The following PRKN variants were observed in gnomAD, a reference collection of about 807,000 sequenced individuals.
PRKN encodes the protein parkin RBR E3 ubiquitin protein ligase, also known as E3 ubiquitin-protein ligase parkin.
Under a neutral mutation model 59.5 loss-of-function variants are expected in PRKN, and 56 were observed. That is an observed-to-expected ratio of 0.94 (90% CI 0.76 to 1.18). The LOEUF (loss-of-function observed/expected upper bound fraction) is 1.18, where lower values mean the gene tolerates loss of function less well. Ranked by LOEUF, PRKN falls within the 50% of genes most tolerant of loss-of-function variation. The pLI, the probability that PRKN is intolerant of heterozygous loss-of-function variation, is 0.00. For missense variants in PRKN, 657 were observed against 596.4 expected (o/e 1.10, Z -1.06); for synonymous variants, 250 against 222.1 (o/e 1.13, Z -1.12).
At chr6:162,116,461 G>A (rs1780676899) in intron 4 of PRKN, among the ~76,000 whole-genome samples, 1 of 152,222 alleles carries the variant, frequency 6.6e-6, no homozygotes, top group South Asian at 2.1e-4. Context: ...ATAAGAGAAA[G>A]AAGATGGCTG....
At chr6:162,292,936 C>T (rs973341526) in intron 2 of PRKN, among the ~76,000 whole-genome samples, 1 of 152,144 alleles carries the variant, frequency 6.6e-6, no homozygotes, top group Non-Finnish European at 1.5e-5. Context: ...TGTCTATGCA[C>T]AGAGTCCTGT....
At chr6:162,528,900 C>T (rs1778396638) in intron 1 of PRKN, among the ~76,000 whole-genome samples, 2 of 152,124 alleles carry the variant, frequency 1.3e-5, no homozygotes, top group South Asian at 2.1e-4. Context: ...TTTTTGGAGA[C>T]GGAGTCTTGA....
At chr6:162,415,911 TACTC>T (rs1282176235) in intron 2 of PRKN, among the ~76,000 whole-genome samples, 2 of 152,210 alleles carry the variant, frequency 1.3e-5, no homozygotes, top group Non-Finnish European at 2.9e-5. Context: ...TCATAGGTAA[TACTC>T]AGCAACACTC....
intron 6 of PRKN, among the ~76,000 whole-genome samples, chr6:161,897,791 A>G (rs1421770367): frequency 1.4e-5 from 2 of 144,106 alleles, no homozygotes; most frequent in African/African-American, 5.5e-5. Context: ...ACCAAGGTGA[A>G]ACCCCGTCTC....
In PRKN at chr6:161,569,352, C is replaced by T; in HGVS notation, c.933+3G>A. The T allele has an allele frequency of 1.2e-6, 2 of 1,612,604 alleles. No homozygotes were observed. Among genetic ancestry groups the T allele is most frequent in the Non-Finnish European group, 8.5e-7 (1 of 1,178,614 alleles). The stretch of plus-strand genomic sequence containing the variant: ...TGATGCAGCCTTTGAGATGCTCACT[C>T]ACCTGCTCTTCTCCCAGAATCCTGA... On this transcript the variant is annotated splice_donor_region_variant and intron_variant, in intron 8 of 11. Transcript: ENST00000366898.
chr6:161,970,438 A>T (rs2128251053), intron 6 of PRKN, among the ~76,000 whole-genome samples: 1 of 151,680 alleles, frequency 6.6e-6, no homozygotes, highest in East Asian at 1.9e-4. Context: ...CACACAATAT[A>T]ATTATACAGC....
chr6:161,831,529 T>C (rs1792498582), intron 6 of PRKN, among the ~76,000 whole-genome samples: 1 of 152,180 alleles, frequency 6.6e-6, no homozygotes, highest in Non-Finnish European at 1.5e-5. Context: ...TTCATAACAT[T>C]AGCCATGCAT....
chr6:161,732,844 T>C (rs577419746), intron 7 of PRKN, among the ~76,000 whole-genome samples: 1 of 152,260 alleles, frequency 6.6e-6, no homozygotes, highest in South Asian at 2.1e-4. Flanking sequence ...ATGCAAACAA[T>C]GTCTGGACTC....
At chr6:161,745,090 T>A (rs73783387) in intron 7 of PRKN, among the ~76,000 whole-genome samples, 2,346 of 152,332 alleles carry the variant, frequency 0.015, 68 homozygotes, top group African/African-American at 0.054. Flanking sequence ...CTCAGATTTT[T>A]AATGCTGAGC....
intron 3 of PRKN, among the ~76,000 whole-genome samples, chr6:162,239,557 G>A (rs1204352060): frequency 6.6e-6 from 1 of 151,950 alleles, no homozygotes; most frequent in Non-Finnish European, 1.5e-5. Context: ...ACGGCATCTC[G>A]GCTTCGTGGG....
At chr6:161,907,548 C>T (rs1019558609) in intron 6 of PRKN, among the ~76,000 whole-genome samples, 4 of 152,120 alleles carry the variant, frequency 2.6e-5, no homozygotes, top group African/African-American at 9.7e-5. Flanking sequence ...TTCAAGTTTT[C>T]ATCTTTCCCC....
chr6:162,243,340 A>C (rs1307571786), intron 3 of PRKN, among the ~76,000 whole-genome samples: 2 of 152,150 alleles, frequency 1.3e-5, no homozygotes, highest in African/African-American at 2.4e-5. Context: ...AATTACATTC[A>C]AGGACTTATC....
chr6:162,451,386 A>AAG (rs59291464), intron 1 of PRKN, among the ~76,000 whole-genome samples: 1 of 150,846 alleles, frequency 6.6e-6, no homozygotes, highest in East Asian at 1.9e-4. Context: ...AAAAAAAAAA[A>AAG]TTGCAATGAG....
chr6:162,078,470 T>G (rs1778923983), intron 4 of PRKN, among the ~76,000 whole-genome samples: 1 of 152,094 alleles, frequency 6.6e-6, no homozygotes, highest in African/African-American at 2.4e-5. Context: ...ATGCTCTGGT[T>G]TAAGGAAATC....
chr6:162,366,748 A>G (rs1218636137), intron 2 of PRKN, among the ~76,000 whole-genome samples: 2 of 152,056 alleles, frequency 1.3e-5, no homozygotes, highest in African/African-American at 2.4e-5. Flanking sequence ...TCTATAAAAA[A>G]TACAAAATTA....
rs1791580488 is a variant in PRKN at position 161,484,885 on chromosome 6, T to TCCTAACCACCTGCC, written c.1083+63955_1083+63968dup. On this transcript the variant is annotated intron_variant, in intron 9 of 11. Transcript: ENST00000366898. The surrounding 1 kb of genome is among the most constrained non-coding windows in gnomAD (Gnocchi z 4.9). ...CCACCTGCCTCTCAAAGGTGTCTGC[T>TCCTAACCACCTGCC]CCTAACCACCTGCCCCTCAAAGGTG... 6.6e-6 allele frequency among the ~76,000 whole-genome samples: 1 copy of TCCTAACCACCTGCC among 152,100 alleles called. No individual in the cohort carries two copies. Among genetic ancestry groups the TCCTAACCACCTGCC allele is most frequent in the Non-Finnish European group, 1.5e-5 (1 of 68,020 alleles).
At chr6:162,032,420 A>T (rs1231832135) in intron 5 of PRKN, among the ~76,000 whole-genome samples, 1 of 152,186 alleles carries the variant, frequency 6.6e-6, no homozygotes, top group Non-Finnish European at 1.5e-5. Flanking sequence ...TGAAGGAGAG[A>T]ACATTTTAAA....
intron 1 of PRKN, among the ~76,000 whole-genome samples, chr6:162,715,191 C>T (rs181642099): frequency 6.6e-6 from 1 of 152,258 alleles, no homozygotes; most frequent in African/African-American, 2.4e-5. Context: ...TGAAGTGGGG[C>T]CCCACCCCAA....
chr6:162,350,263 A>G (rs759486526), intron 2 of PRKN, among the ~76,000 whole-genome samples: 1 of 152,180 alleles, frequency 6.6e-6, no homozygotes, highest in Non-Finnish European at 1.5e-5. Flanking sequence ...TTGTCAAAAT[A>G]TCAATACTCT....
Sources: gnomAD v4.1 joint callset for allele counts (sites outside exome capture counted in the v4.1 genomes callset) on GRCh38, gnomAD v4.1.1 for gene constraint, Gnocchi (gnomAD v3.1) non-coding constraint, MANE v1.5 for transcripts, NCBI Gene and HGNC (gene_info 2026-07-23, HGNC 2026-07-21) for gene names.